The following PID1 variants were observed in gnomAD, a reference collection of about 807,000 sequenced individuals.
PID1 encodes the protein phosphotyrosine interaction domain containing 1.
In PID1, 10 loss-of-function variants were observed where a neutral mutation model predicts 19.1. The observed-to-expected ratio is 0.52, with a 90% CI of 0.32 to 0.89. The LOEUF is 0.89. Among genes scored for constraint, PID1 ranks in the 40% least tolerant of loss-of-function variants. The pLI, the probability that PID1 is intolerant of heterozygous loss-of-function variation, is 0.03. For synonymous variants in PID1, 130 were observed against 116.0 expected, an observed-to-expected ratio of 1.12 and a Z score of -0.78; for missense variants, 248 against 285.3, an observed-to-expected ratio of 0.87 and a Z score of 0.94.
At chr2:229,048,193 T>C (rs917270760) in intron 2 of PID1, among the ~76,000 whole-genome samples, 1 of 152,252 alleles carries the variant, frequency 6.6e-6, no homozygotes, top group East Asian at 1.9e-4. Flanking sequence ...CATTCTAAAA[T>C]CCCTCTGAAT....
chr2:229,125,335 T>C (rs1236086241), intron 2 of PID1, among the ~76,000 whole-genome samples: 1 of 152,060 alleles, frequency 6.6e-6, no homozygotes, highest in African/African-American at 2.4e-5. Flanking sequence ...ACCTTTATTG[T>C]TTTTGGTTAC....
intron 1 of PID1, among the ~76,000 whole-genome samples, chr2:229,236,771 A>C (rs1243498321): frequency 6.6e-6 from 1 of 152,070 alleles, no homozygotes; most frequent in East Asian, 1.9e-4. Flanking sequence ...TGGGTTACAG[A>C]AGACAGATAA....
intron 2 of PID1, among the ~76,000 whole-genome samples, chr2:229,110,859 G>A (rs1293071046): frequency 1.3e-5 from 2 of 152,022 alleles, no homozygotes; most frequent in Non-Finnish European, 2.9e-5. Flanking sequence ...CTCACGTAGG[G>A]CAGATAGGAG....
chr2:229,047,388 A>G (rs963499211), intron 2 of PID1, among the ~76,000 whole-genome samples: 6 of 152,344 alleles, frequency 3.9e-5, no homozygotes, highest in Admixed American at 1.3e-4. Flanking sequence ...TTGGTCCCAC[A>G]GTAAGATTGA....
chr2:229,112,978 T>C (rs1421268336), intron 2 of PID1, among the ~76,000 whole-genome samples: 2 of 152,146 alleles, frequency 1.3e-5, no homozygotes, highest in Non-Finnish European at 2.9e-5. Flanking sequence ...CAAGGCCCTA[T>C]CTCTATCTAT....
At position 229,025,763 on chromosome 2, in the gene PID1, C is replaced by T; in HGVS notation, c.523G>A (p.Ala175Thr). ...ATCATGGCGTGGGCCAGTTTCTTGG[C>T]CTCGAGCTTGCTCTCGCACTCCACG... ...HAVECESKLEAKKLAHAMMEA... is the reference protein window; with the variant it reads ...HAVECESKLETKKLAHAMMEA... Residue 175 changes from alanine (A) to threonine (T), a missense_variant, in exon 3 of 3, where the codon GCC becomes ACC. Ala to Thr is a moderately conservative substitution (Grantham distance 58, BLOSUM62 0). Coordinates refer to ENST00000392055, the MANE Select transcript of PID1 (RefSeq NM_001100818.2). The T allele has an allele frequency of 6.2e-7, 1 of 1,614,250 alleles. No homozygotes were observed. The highest frequency in any genetic ancestry group is 8.5e-7 in the Non-Finnish European group (1 of 1,180,040).
chr2:229,100,670 G>A (rs984101758), intron 2 of PID1, among the ~76,000 whole-genome samples: 3 of 152,088 alleles, frequency 2.0e-5, no homozygotes, highest in Non-Finnish European at 2.9e-5. Flanking sequence ...CAGATCCAAG[G>A]TCCCTTGACT....
intron 1 of PID1, among the ~76,000 whole-genome samples, chr2:229,206,489 A>C (rs375657021): frequency 6.6e-6 from 1 of 152,138 alleles, no homozygotes; most frequent in Non-Finnish European, 1.5e-5. Context: ...AATTCTCCCC[A>C]CTGAACTTGA....
At chr2:229,250,576 G>A (rs1009555391) in intron 1 of PID1, among the ~76,000 whole-genome samples, 1 of 152,186 alleles carries the variant, frequency 6.6e-6, no homozygotes, top group Admixed American at 6.5e-5. Flanking sequence ...CTGTGGTAGA[G>A]GTGGCTGGTA....
intron 2 of PID1, among the ~76,000 whole-genome samples, chr2:229,089,523 C>T (rs1190494641): frequency 6.6e-6 from 1 of 152,150 alleles, no homozygotes; most frequent in East Asian, 1.9e-4. Flanking sequence ...TATTGTCACA[C>T]TAATTAAGTA....
intron 2 of PID1, among the ~76,000 whole-genome samples, chr2:229,139,142 A>C (rs1254934664): frequency 0.064 from 7,099 of 111,364 alleles, 1,023 homozygotes; most frequent in South Asian, 0.08. Flanking sequence ...AGAAAGAAAG[A>C]AAGAAAGCAA....
chr2:229,249,631 GAGCTGAATGGTAT>G (rs1303060486), intron 1 of PID1, among the ~76,000 whole-genome samples: 12 of 152,146 alleles, frequency 7.9e-5, no homozygotes, highest in Admixed American at 3.9e-4. Context: ...AAACAAGAAT[GAGCTGAATGGTAT>G]AACTGAAGCA....
chr2:229,129,442 G>A (rs528527999), intron 2 of PID1, among the ~76,000 whole-genome samples: 1 of 150,950 alleles, frequency 6.6e-6, no homozygotes, highest in South Asian at 2.1e-4. Flanking sequence ...AGAGAGAGAG[G>A]CTCATTTATT....
intron 2 of PID1, among the ~76,000 whole-genome samples, chr2:229,153,118 TA>T (rs1690291648): frequency 6.6e-6 from 1 of 152,210 alleles, no homozygotes; most frequent in African/African-American, 2.4e-5. Context: ...GGGGAAGATC[TA>T]AAAGGATTTT....
chr2:229,130,074 C>A (rs1559246837), intron 2 of PID1, among the ~76,000 whole-genome samples: 1 of 152,216 alleles, frequency 6.6e-6, no homozygotes, highest in Non-Finnish European at 1.5e-5. Flanking sequence ...TCAGCTTTAT[C>A]ACCAGAATAA....
intron 2 of PID1, among the ~76,000 whole-genome samples, chr2:229,062,723 T>C (rs1196154060): frequency 6.6e-6 from 1 of 151,974 alleles, no homozygotes; most frequent in African/African-American, 2.4e-5. Context: ...GTTCTTTAAA[T>C]GTTTGGTAGA....
intron 2 of PID1, among the ~76,000 whole-genome samples, chr2:229,075,061 T>A (rs1286870394): frequency 1.3e-5 from 2 of 152,200 alleles, no homozygotes; most frequent in South Asian, 2.1e-4. Flanking sequence ...CTACCAAACA[T>A]CATCACCTAG....
intron 1 of PID1, among the ~76,000 whole-genome samples, chr2:229,201,663 T>C (rs1691501640): frequency 6.6e-6 from 1 of 152,064 alleles, no homozygotes; most frequent in Admixed American, 6.6e-5. Flanking sequence ...TGCCGGATCA[T>C]ATGGTAACCC....
intron 1 of PID1, among the ~76,000 whole-genome samples, chr2:229,248,002 T>C (rs868297332): frequency 1.5e-4 from 23 of 152,146 alleles, no homozygotes; most frequent in Admixed American, 1.2e-3. Flanking sequence ...CTCTTCCCTT[T>C]CCTTACCTTT....
Sources: allele counts gnomAD v4.1 joint callset (sites outside exome capture counted in the v4.1 genomes callset), GRCh38; gene constraint gnomAD v4.1.1; transcripts MANE v1.5; gene names NCBI Gene and HGNC (gene_info 2026-07-23, HGNC 2026-07-21).